The following SLC35D2 variants were observed in gnomAD, a reference collection of about 807,000 sequenced individuals.
SLC35D2 encodes the protein solute carrier family 35 member D2.
In SLC35D2, 43 loss-of-function variants were observed where a neutral mutation model predicts 41.8. That is an observed-to-expected ratio of 1.03 (90% CI 0.81 to 1.33). SLC35D2 has a LOEUF of 1.33. Ranked by LOEUF, SLC35D2 falls within the 40% of genes most tolerant of loss-of-function variation. SLC35D2 has a pLI of 0.00. For missense variants in SLC35D2, 380 were observed against 408.4 expected (o/e 0.93, Z 0.60); for synonymous variants, 150 against 163.9 (o/e 0.92, Z 0.65).
intron 1 of SLC35D2, 75 bp downstream of exon 1, chr9:96,383,402 G>T: frequency 7.9e-7 from 1 of 1,266,376 alleles, no homozygotes; most frequent in Admixed American, 2.6e-5. Context: ...CCTGTCCCGG[G>T]CGCCGCTGAA....
intron 8 of SLC35D2, among the ~76,000 whole-genome samples, chr9:96,339,904 T>C (rs1387400351): frequency 1.3e-5 from 2 of 152,156 alleles, no homozygotes; most frequent in Non-Finnish European, 2.9e-5. Flanking sequence ...ACACACACAT[T>C]TACCACAATC....
chr9:96,332,893 C>T (rs555102759), intron 9 of SLC35D2, among the ~76,000 whole-genome samples: 2 of 150,526 alleles, frequency 1.3e-5, no homozygotes, highest in Non-Finnish European at 2.9e-5. Context: ...AATAACTACA[C>T]CTTTGCGAAT....
At chr9:96,375,488 G>T (rs1830904430) in intron 1 of SLC35D2, among the ~76,000 whole-genome samples, 2 of 150,910 alleles carry the variant, frequency 1.3e-5, no homozygotes, top group African/African-American at 4.9e-5. Context: ...TGAGGCAAGA[G>T]AATCACTTGA....
intron 11 of SLC35D2, 56 bp from the exon 12 acceptor site, chr9:96,321,397 G>GC (rs1426816326): frequency 2.5e-5 from 32 of 1,275,818 alleles, no homozygotes; most frequent in Non-Finnish European, 3.4e-5. Flanking sequence ...AGGGGCTCCA[G>GC]CAGCAGTTGC....
At chr9:96,319,133 T>C (rs2130818600), downstream of SLC35D2, among the ~76,000 whole-genome samples, 1 of 152,268 alleles carries the variant, frequency 6.6e-6, no homozygotes, top group Non-Finnish European at 1.5e-5. Context: ...CATCAGCAGA[T>C]GACTGGATAA....
downstream of SLC35D2, among the ~76,000 whole-genome samples, chr9:96,320,332 G>A (rs1440009004): frequency 6.6e-6 from 1 of 152,162 alleles, no homozygotes; most frequent in African/African-American, 2.4e-5. Context: ...TGGCCAACAT[G>A]AGGCCAAACC....
At chr9:96,320,066 G>A (rs1318018608), downstream of SLC35D2, among the ~76,000 whole-genome samples, 3 of 152,180 alleles carry the variant, frequency 2.0e-5, no homozygotes, top group South Asian at 2.1e-4. Context: ...CCATTCCCAC[G>A]CAGGGAGGGA....
At chr9:96,327,187 C>T (rs1271703683) in intron 9 of SLC35D2, among the ~76,000 whole-genome samples, 1 of 152,226 alleles carries the variant, frequency 6.6e-6, no homozygotes, top group Admixed American at 6.5e-5. Flanking sequence ...TTTAAAATTC[C>T]AACTCCAGGG....
chr9:96,374,376 A>G (rs1261893996), intron 1 of SLC35D2, among the ~76,000 whole-genome samples: 3 of 152,104 alleles, frequency 2.0e-5, no homozygotes, highest in African/African-American at 7.2e-5. Flanking sequence ...TCTACTAAAA[A>G]TACAAAATTT....
intron 9 of SLC35D2, among the ~76,000 whole-genome samples, chr9:96,333,127 G>C (rs1254308777): frequency 6.6e-6 from 1 of 150,986 alleles, no homozygotes; most frequent in Non-Finnish European, 1.5e-5. Flanking sequence ...TCAATCTCCT[G>C]ACCTCATGAT....
intron 3 of SLC35D2, among the ~76,000 whole-genome samples, chr9:96,360,686 G>C (rs1830235277): frequency 6.6e-6 from 1 of 150,376 alleles, no homozygotes; most frequent in Non-Finnish European, 1.5e-5. Flanking sequence ...AGTCATCAGG[G>C]AAATGCAAAC....
intron 1 of SLC35D2, among the ~76,000 whole-genome samples, chr9:96,374,310 C>T (rs1019749868): frequency 2.4e-4 from 37 of 151,426 alleles, no homozygotes; most frequent in African/African-American, 8.0e-4. Flanking sequence ...CCAAGGCAGG[C>T]GAATCACGAG....
chr9:96,362,202 C>T (rs577943960), intron 3 of SLC35D2, among the ~76,000 whole-genome samples: 7 of 152,132 alleles, frequency 4.6e-5, no homozygotes, highest in Non-Finnish European at 1.0e-4. Context: ...GCAGGTAAAA[C>T]GAGACTACAG....
chr9:96,345,943 G>T (rs1587680366), intron 6 of SLC35D2, among the ~76,000 whole-genome samples: 1 of 152,156 alleles, frequency 6.6e-6, no homozygotes, highest in African/African-American at 2.4e-5. Context: ...CCATTCTTTT[G>T]AAACAGCTTC....
chr9:96,360,741 T>A (rs1830237836), intron 3 of SLC35D2, among the ~76,000 whole-genome samples: 1 of 148,024 alleles, frequency 6.8e-6, no homozygotes, highest in African/African-American at 2.5e-5. Context: ...ATTAGCAAAA[T>A]TTATTTATTT....
chr9:96,371,966 T>C (rs914694415), intron 1 of SLC35D2, among the ~76,000 whole-genome samples: 1 of 151,956 alleles, frequency 6.6e-6, no homozygotes, highest in African/African-American at 2.4e-5. Flanking sequence ...GACCTCGTGA[T>C]CCGCCCGCCT....
chr9:96,354,882 G>A (rs1364347931), intron 4 of SLC35D2, among the ~76,000 whole-genome samples: 1 of 150,150 alleles, frequency 6.7e-6, no homozygotes, highest in African/African-American at 2.4e-5. Context: ...CTTGTGTGCA[G>A]AAAACTACAA....
chr9:96,371,474 C>CAAAAAAAAAA (rs539576375), intron 1 of SLC35D2, among the ~76,000 whole-genome samples: 1,051 of 46,596 alleles, frequency 0.023, 129 homozygotes, highest in Admixed American at 0.038. Flanking sequence ...GACTCTGTCT[C>CAAAAAAAAAA]AAAAAAAAAA....
intron 1 of SLC35D2, 26 bp downstream of exon 1, chr9:96,383,451 C>A (rs1020807820): frequency 2.5e-5 from 37 of 1,491,156 alleles, no homozygotes; most frequent in South Asian, 1.7e-4. Flanking sequence ...CTCCCGCAGA[C>A]CCCCCGGCCC....
Sources: allele counts gnomAD v4.1 joint callset (sites outside exome capture counted in the v4.1 genomes callset), GRCh38; gene constraint gnomAD v4.1.1; transcripts MANE v1.5; gene names NCBI Gene and HGNC (gene_info 2026-07-23, HGNC 2026-07-21).